CADM2: variants seen among roughly 807,000 people sequenced by gnomAD.
CADM2 encodes cell adhesion molecule 2.
CADM2 carries 12 observed loss-of-function variants against 49.8 expected under a neutral mutation model. That is an observed-to-expected ratio of 0.24 (90% CI 0.15 to 0.39). The LOEUF is 0.39. CADM2 is among the 10% of genes least tolerant of loss of function. The pLI is 1.00. For synonymous variants in CADM2, 214 were observed against 175.4 expected, an observed-to-expected ratio of 1.22 and a Z score of -1.74; for missense variants, 378 against 492.3, an observed-to-expected ratio of 0.77 and a Z score of 2.20.
chr3:85,914,744 T>C (rs1160732497), intron 6 of CADM2, among the ~76,000 whole-genome samples: 1 of 152,172 alleles, frequency 6.6e-6, no homozygotes, highest in Non-Finnish European at 1.5e-5. Context: ...GATGAATCTC[T>C]GGATGTAGGT....
chr3:85,909,401 A>AATATAT (rs59251646), intron 5 of CADM2, among the ~76,000 whole-genome samples: 5,137 of 147,300 alleles, frequency 0.035, 174 homozygotes, highest in East Asian at 0.12. Flanking sequence ...TGTAAAATGA[A>AATATAT]ATATATATAT....
intron 1 of CADM2, among the ~76,000 whole-genome samples, chr3:85,557,859 C>G (rs571038723): frequency 6.6e-6 from 1 of 151,922 alleles, no homozygotes; most frequent in Non-Finnish European, 1.5e-5. Context: ...TTCATAAAGA[C>G]ATTTTTTGCT....
intron 1 of CADM2, among the ~76,000 whole-genome samples, chr3:85,402,450 T>C (rs1428452534): frequency 1.3e-5 from 2 of 152,012 alleles, no homozygotes; most frequent in Non-Finnish European, 2.9e-5. Flanking sequence ...TAAATTTTTG[T>C]CTTAGTTTTT....
At chr3:85,267,655 T>A (rs2043150547) in intron 1 of CADM2, among the ~76,000 whole-genome samples, 1 of 151,606 alleles carries the variant, frequency 6.6e-6, no homozygotes, top group Non-Finnish European at 1.5e-5. Context: ...GAGCAATGTC[T>A]GGTATATACT....
intron 1 of CADM2, among the ~76,000 whole-genome samples, chr3:85,400,893 C>T (rs574407864): frequency 3.9e-5 from 6 of 152,238 alleles, no homozygotes; most frequent in Admixed American, 3.3e-4. Context: ...GACATCCTTA[C>T]CTCAACTCCT....
chr3:85,732,853 G>C (rs1031559357), intron 2 of CADM2, among the ~76,000 whole-genome samples: 1 of 152,138 alleles, frequency 6.6e-6, no homozygotes, highest in African/African-American at 2.4e-5. Context: ...AAAATTCTAA[G>C]CCAGACATAT....
chr3:85,711,078 G>A (rs566592396), intron 1 of CADM2, among the ~76,000 whole-genome samples: 1 of 151,972 alleles, frequency 6.6e-6, no homozygotes, highest in South Asian at 2.1e-4. Flanking sequence ...TAAACTGTTG[G>A]GATTTCTTAA....
In CADM2 at chr3:85,394,500, G is replaced by A. The variant is rs576053720; in HGVS notation, c.62-332022G>A. 5.3e-5 allele frequency among the ~76,000 whole-genome samples: 8 copies of A among 152,164 alleles called. No homozygotes were observed. In the East Asian group the frequency reaches 1.5e-3, roughly 29 times the overall value. ...GATCTCATTTTATTTAGTTTTACAT[G>A]TAAATAATTCATTTTCAATTGTAAA... On this transcript the variant is annotated intron_variant, in intron 1 of 9. Transcript: ENST00000383699.
intron 6 of CADM2, among the ~76,000 whole-genome samples, chr3:85,930,603 C>T (rs1039138629): frequency 6.6e-6 from 1 of 151,960 alleles, no homozygotes; most frequent in Non-Finnish European, 1.5e-5. Context: ...CCTCTCAAAC[C>T]CCCAGTACCC....
chr3:85,888,549 A>G (rs1485243309), intron 5 of CADM2, among the ~76,000 whole-genome samples: 1 of 152,144 alleles, frequency 6.6e-6, no homozygotes, highest in Admixed American at 6.6e-5. Flanking sequence ...ATGCTCTTCA[A>G]TGCACTGCCA....
intron 7 of CADM2, among the ~76,000 whole-genome samples, chr3:85,942,831 G>C (rs1258749290): frequency 2.0e-5 from 3 of 151,930 alleles, no homozygotes; most frequent in Non-Finnish European, 4.4e-5. Context: ...ATAATTTATA[G>C]TCCTTTGGGT....
At chr3:85,251,599 T>A (rs1336083159) in intron 1 of CADM2, among the ~76,000 whole-genome samples, 5 of 151,982 alleles carry the variant, frequency 3.3e-5, no homozygotes, top group Non-Finnish European at 5.9e-5. Flanking sequence ...AAACTCTGGA[T>A]TATTACAGAT....
intron 7 of CADM2, among the ~76,000 whole-genome samples, chr3:85,954,455 AT>A (rs1248863980): frequency 6.6e-6 from 1 of 151,074 alleles, no homozygotes; most frequent in African/African-American, 2.4e-5. Context: ...TAAAAAGTAC[AT>A]TTTTAATCAG....
intron 1 of CADM2, among the ~76,000 whole-genome samples, chr3:85,475,241 C>T (rs746622907): frequency 6.6e-6 from 1 of 151,824 alleles, no homozygotes; most frequent in Non-Finnish European, 1.5e-5. Flanking sequence ...GTACTCAGAC[C>T]TTTCCAGCTG....
intron 2 of CADM2, among the ~76,000 whole-genome samples, chr3:85,787,163 C>T (rs1242978259): frequency 6.6e-6 from 1 of 151,820 alleles, no homozygotes; most frequent in African/African-American, 2.4e-5. Flanking sequence ...CAAGCCAATG[C>T]CATTTTAGAG....
At chr3:85,148,428 A>T (rs939022042) in intron 1 of CADM2, among the ~76,000 whole-genome samples, 5 of 152,248 alleles carry the variant, frequency 3.3e-5, no homozygotes, top group Admixed American at 2.6e-4. Context: ...TGTATACTAC[A>T]TTATGCTCAT....
intron 1 of CADM2, among the ~76,000 whole-genome samples, chr3:85,653,997 C>T (rs901086992): frequency 6.6e-6 from 1 of 152,174 alleles, no homozygotes; most frequent in African/African-American, 2.4e-5. Flanking sequence ...TGTGAATTGG[C>T]CATCGGATTT....
At chr3:85,949,244 GAA>G (rs1723103928) in intron 7 of CADM2, among the ~76,000 whole-genome samples, 1 of 151,220 alleles carries the variant, frequency 6.6e-6, no homozygotes, top group East Asian at 2.0e-4. Context: ...TAGAAAAGAA[GAA>G]AGAGTAAAGA....
At position 85,074,546 on chromosome 3, in the gene CADM2, G is replaced by A. The variant is rs75747646; in HGVS notation, c.61+114878G>A. On this transcript the variant is annotated intron_variant, in intron 1 of 9. Transcript: ENST00000383699. ...TTATTTCACTGACATATACCAAGCA[G>A]TTAGAATAGTTCCTGGCACATAATT... Among the ~76,000 whole-genome samples, 45 of 152,186 alleles carry A rather than the reference G, an allele frequency of 3.0e-4. 2 individuals carry two copies. In the East Asian group the frequency reaches 8.7e-3, roughly 29 times the overall value.
Sources: gnomAD v4.1 joint callset for allele counts (sites outside exome capture counted in the v4.1 genomes callset) on GRCh38, gnomAD v4.1.1 for gene constraint, MANE v1.5 for transcripts, NCBI Gene and HGNC (gene_info 2026-07-23, HGNC 2026-07-21) for gene names.